MYO16: variants seen among roughly 807,000 people sequenced by gnomAD.
The protein encoded by MYO16 is unconventional myosin-XVI.
Under a neutral mutation model 205.3 loss-of-function variants are expected in MYO16, and 94 were observed. That is an observed-to-expected ratio of 0.46 (90% CI 0.39 to 0.54). The LOEUF (loss-of-function observed/expected upper bound fraction) is 0.54. Among genes scored for constraint, MYO16 ranks in the 20% least tolerant of loss-of-function variants. MYO16 has a pLI of 0.00. For missense variants in MYO16, 2,315 were observed against 2,387.5 expected, an observed-to-expected ratio of 0.97 and a Z score of 0.63; for synonymous variants, 988 against 954.0, an observed-to-expected ratio of 1.04 and a Z score of -0.66.
chr13:108,831,705 G>A (rs549302877), intron 9 of MYO16, among the ~76,000 whole-genome samples: 1 of 152,234 alleles, frequency 6.6e-6, no homozygotes, highest in South Asian at 2.1e-4. Flanking sequence ...TAGAGACAGG[G>A]TTTTACCACC....
At chr13:108,839,685 T>C (rs971349604) in intron 9 of MYO16, among the ~76,000 whole-genome samples, 1 of 152,236 alleles carries the variant, frequency 6.6e-6, no homozygotes, top group East Asian at 1.9e-4. Flanking sequence ...CTTTCTCTAG[T>C]GTTGGCATCC....
At chr13:108,958,858 T>C (rs576892064) in intron 17 of MYO16, among the ~76,000 whole-genome samples, 1 of 152,288 alleles carries the variant, frequency 6.6e-6, no homozygotes, top group South Asian at 2.1e-4. Context: ...TTACGGCCAA[T>C]TCCTCAAGAA....
chr13:108,560,990 T>C, the MYO16 span, among the ~76,000 whole-genome samples: 1 of 152,222 alleles, frequency 6.6e-6, no homozygotes, highest in Admixed American at 6.5e-5. Context: ...TAATCTTTTA[T>C]GATACATTTT....
chr13:108,728,439 T>C (rs1594244969), intron 4 of MYO16, among the ~76,000 whole-genome samples: 1 of 50,256 alleles, frequency 2.0e-5, no homozygotes, highest in African/African-American at 4.9e-5. Context: ...GCCATACCAA[T>C]TACCGCCTAG....
chr13:108,999,170 CAT>C (rs943578034), intron 21 of MYO16, among the ~76,000 whole-genome samples: 23 of 152,270 alleles, frequency 1.5e-4, no homozygotes, highest in African/African-American at 5.3e-4. Flanking sequence ...CACACTGTAT[CAT>C]GTGATAGCTA....
chr13:109,206,068 G>A (rs1199853150), intron 34 of MYO16, among the ~76,000 whole-genome samples: 1 of 152,174 alleles, frequency 6.6e-6, no homozygotes, highest in Non-Finnish European at 1.5e-5. Flanking sequence ...TGGTGTGATT[G>A]TGTATTGTCT....
intron 4 of MYO16, among the ~76,000 whole-genome samples, chr13:108,757,757 G>A (rs1594270057): frequency 3.3e-5 from 5 of 152,110 alleles, no homozygotes; most frequent in Admixed American, 2.0e-4. Flanking sequence ...GCGACAGTTT[G>A]CTGAGCTAGT....
At chr13:108,780,840 C>A (rs972889050) in intron 4 of MYO16, among the ~76,000 whole-genome samples, 21 of 152,066 alleles carry the variant, frequency 1.4e-4, no homozygotes, top group Non-Finnish European at 1.5e-5. Flanking sequence ...GGAATAATAC[C>A]AGGTAATAAG....
intron 27 of MYO16, among the ~76,000 whole-genome samples, chr13:109,092,175 TAACA>T (rs1407157409): frequency 2.6e-5 from 4 of 152,212 alleles, no homozygotes; most frequent in Non-Finnish European, 5.9e-5. Context: ...AGCCAATATT[TAACA>T]AACAAAGACA....
At chr13:109,172,822 A>C (rs537900305) in intron 33 of MYO16, among the ~76,000 whole-genome samples, 203 of 18,150 alleles carry the variant, frequency 0.011, no homozygotes, top group Non-Finnish European at 0.021. Context: ...CAACAATTAC[A>C]TGAATGAGGT....
At chr13:108,976,432 A>C (rs535832957) in intron 20 of MYO16, among the ~76,000 whole-genome samples, 1 of 152,282 alleles carries the variant, frequency 6.6e-6, no homozygotes, top group Admixed American at 6.5e-5. Flanking sequence ...TCTGATTAAA[A>C]CCAAACGTTT....
At chr13:108,674,297 T>G (rs541818322) in intron 2 of MYO16, among the ~76,000 whole-genome samples, 1 of 152,324 alleles carries the variant, frequency 6.6e-6, no homozygotes, top group South Asian at 2.1e-4. Flanking sequence ...TTTACTAGAT[T>G]GTCTCAGAAG....
chr13:108,985,409 G>A (rs1477935426), intron 20 of MYO16, among the ~76,000 whole-genome samples: 2 of 152,100 alleles, frequency 1.3e-5, no homozygotes, highest in Non-Finnish European at 2.9e-5. Flanking sequence ...AGTATTTATC[G>A]TTTTTGTGGG....
the MYO16 span, among the ~76,000 whole-genome samples, chr13:108,561,835 A>C: frequency 6.6e-6 from 1 of 152,128 alleles, no homozygotes. Flanking sequence ...TCTTGCTACA[A>C]AGTCTTTCTA....
Position 109,140,388 on chromosome 13 carries a change from G to A in MYO16, c.4176G>A (p.Arg1392=). 6.3e-7 allele frequency: 1 copy of A among 1,596,134 alleles called. No homozygotes were observed. The highest frequency in any genetic ancestry group is 1.7e-5 in the Admixed American group (1 of 59,344). The change falls in exon 32 of 35, where the codon CGG becomes CGA. Residue 1392 remains arginine (R), a synonymous_variant. Transcript: ENST00000457511. The surrounding 1 kb of genome is among the most constrained non-coding windows in gnomAD (Gnocchi z 8.0). ...CCTACGAGGAGATATCGGGGTCCCG[G>A]CCCGGGGACGCGAGGCCCGCGGGCG... The part of the protein sequence containing the change: ...SGSYEEISGS[R]PGDARPAGAP...
intron 22 of MYO16, among the ~76,000 whole-genome samples, chr13:109,012,458 C>T (rs1429232348): frequency 2.6e-5 from 4 of 152,096 alleles, no homozygotes; most frequent in South Asian, 2.1e-4. Flanking sequence ...TTATGAGAAT[C>T]GAATGCCTGA....
chr13:109,082,750 A>G (rs1888319075), intron 27 of MYO16, among the ~76,000 whole-genome samples: 1 of 151,920 alleles, frequency 6.6e-6, no homozygotes, highest in African/African-American at 2.4e-5. Context: ...CAGGAGAATC[A>G]CTTGAACCTG....
chr13:108,622,922 A>G (rs1313125490), intron 1 of MYO16, among the ~76,000 whole-genome samples: 1 of 152,138 alleles, frequency 6.6e-6, no homozygotes, highest in Non-Finnish European at 1.5e-5. Context: ...GAGGAACCAA[A>G]GAGTTCAAGG....
chr13:108,753,370 C>CAAAAAAAAAAAAAAAAAAAAAAAAA (rs534466420), intron 4 of MYO16, among the ~76,000 whole-genome samples: 9 of 111,780 alleles, frequency 8.1e-5, no homozygotes, highest in African/African-American at 2.3e-4. Flanking sequence ...AACTCTGTGA[C>CAAAAAAAAAAAAAAAAAAAAAAAAA]AAAAAAAAAA....
Sources: gnomAD v4.1 joint callset for allele counts (sites outside exome capture counted in the v4.1 genomes callset) on GRCh38, gnomAD v4.1.1 for gene constraint, Gnocchi (gnomAD v3.1) non-coding constraint, MANE v1.5 for transcripts, NCBI Gene and HGNC (gene_info 2026-07-23, HGNC 2026-07-21) for gene names.